The following MID1 variants were observed in gnomAD, a reference collection of about 807,000 sequenced individuals.
MID1 encodes the protein midline 1.
A neutral mutation model predicts 40.4 loss-of-function variants in MID1; 7 were observed. The ratio of observed to expected loss-of-function variants is 0.17; its 90% confidence interval spans 0.10 to 0.33. The LOEUF (loss-of-function observed/expected upper bound fraction) is 0.33, where lower values mean the gene tolerates loss of function less well. MID1 is among the 10% of genes least tolerant of loss of function. MID1 has a pLI of 1.00. For missense variants in MID1, 367 were observed against 558.5 expected (o/e 0.66, Z 3.46); for synonymous variants, 229 against 221.2 (o/e 1.04, Z -0.31).
intron 3 of MID1, chrX:10,506,609 G>T: frequency 2.1e-6 from 1 of 482,960 alleles, no homozygotes; most frequent in Non-Finnish European, 3.7e-6. Context: ...GGCAGAAAAA[G>T]TTCCCAGGCC....
intron 3 of MID1, among the ~76,000 whole-genome samples, chrX:10,522,169 TAA>T (rs1932743746): frequency 9.0e-6 from 1 of 111,683 alleles, no homozygotes; most frequent in Non-Finnish European, 1.9e-5. Context: ...GTAATCAAGT[TAA>T]AGTGAGGTAA....
chrX:10,832,623 C>T (rs1334395828), intron 1 of MID1, among the ~76,000 whole-genome samples: 1 of 111,791 alleles, frequency 8.9e-6, no homozygotes, highest in Non-Finnish European at 1.9e-5. Context: ...AACCACATCA[C>T]CATGAAAAAA....
chrX:10,807,116 G>A (rs1200963428), intron 1 of MID1, among the ~76,000 whole-genome samples: 1 of 110,123 alleles, frequency 9.1e-6, no homozygotes, highest in African/African-American at 3.3e-5. Flanking sequence ...GTGGTGGCAG[G>A]CACCTGTAAT....
intron 1 of MID1, among the ~76,000 whole-genome samples, chrX:10,738,950 A>G (rs1456171776): frequency 2.3e-5 from 2 of 88,662 alleles, no homozygotes; most frequent in Non-Finnish European, 2.1e-5. Context: ...TACTAAAGGC[A>G]AAAAAAAAAA....
At chrX:10,543,845 TA>T (rs1278403101) in intron 2 of MID1, among the ~76,000 whole-genome samples, 3 of 102,157 alleles carry the variant, frequency 2.9e-5, no homozygotes, top group East Asian at 3.1e-4. Flanking sequence ...TCTGTTTTTT[TA>T]AAAAAAAAAA....
At chrX:10,543,007 G>C (rs1277706624) in intron 2 of MID1, among the ~76,000 whole-genome samples, 6 of 111,900 alleles carry the variant, frequency 5.4e-5, no homozygotes, top group Non-Finnish European at 1.1e-4. Context: ...ACGTAACAAG[G>C]GCTACATACA....
chrX:10,778,578 T>C (rs2043823228), intron 1 of MID1, among the ~76,000 whole-genome samples: 1 of 112,269 alleles, frequency 8.9e-6, no homozygotes, highest in Non-Finnish European at 1.9e-5. Context: ...CCTGGATTAT[T>C]CAGGCGGGCC....
chrX:10,632,616 T>C (rs1936064962), intron 1 of MID1, among the ~76,000 whole-genome samples: 1 of 109,087 alleles, frequency 9.2e-6, no homozygotes, highest in African/African-American at 3.3e-5. Flanking sequence ...CACCCCAGAG[T>C]TTCTGATTCA....
intron 1 of MID1, among the ~76,000 whole-genome samples, chrX:10,750,944 C>T (rs914898143): frequency 6.3e-5 from 7 of 111,385 alleles, no homozygotes; most frequent in African/African-American, 2.3e-4. Context: ...GTGCTTGATT[C>T]TGTTGTTGTG....
In MID1 at chrX:10,469,478, TG is replaced by T. The variant is rs761105104; in HGVS notation, c.1285+218del. 1.9e-5 allele frequency: 21 copies of T among 1,117,007 alleles called. No individual in the cohort carries two copies. The Admixed American group carries it at 5.9e-4, about 31-fold the overall frequency. The allele number at this position is 1,117,007 out of a possible 1,213,427, so 92.1% of individuals were successfully genotyped here. A position where few individuals can be genotyped will look rare whatever the true frequency, so the allele number is the denominator to read the frequency against. On this transcript the variant is annotated intron_variant, in intron 7 of 9. Coordinates refer to ENST00000317552, the MANE Select transcript of MID1 (RefSeq NM_000381.4). ...TGGCTTCTTTCCCTTAACATCCATG[TG>T]GTTTGCTAGAGGTCATTAATTTTCA...
intron 1 of MID1, among the ~76,000 whole-genome samples, chrX:10,610,513 A>G (rs1328920919): frequency 3.6e-5 from 4 of 111,548 alleles, no homozygotes; most frequent in Non-Finnish European, 7.5e-5. Flanking sequence ...TTATGGAAAG[A>G]TCTCTAGGGT....
At chrX:10,658,685 A>G (rs1281175146) in intron 1 of MID1, among the ~76,000 whole-genome samples, 1 of 110,126 alleles carries the variant, frequency 9.1e-6, no homozygotes, top group Non-Finnish European at 1.9e-5. Context: ...TGCCCTCAGG[A>G]AATCATTTTA....
chrX:10,588,096 T>C (rs1935180214), intron 1 of MID1, among the ~76,000 whole-genome samples: 1 of 112,350 alleles, frequency 8.9e-6, no homozygotes, highest in Non-Finnish European at 1.9e-5. Context: ...TTAGCTAATA[T>C]GTTTACACAC....
intron 3 of MID1, among the ~76,000 whole-genome samples, chrX:10,512,690 G>A (rs1932217858): frequency 8.9e-6 from 1 of 112,286 alleles, no homozygotes; most frequent in South Asian, 3.7e-4. Context: ...CCAATCCTAT[G>A]GAAATTGACA....
intron 4 of MID1, among the ~76,000 whole-genome samples, chrX:10,494,413 A>G (rs751408138): frequency 9.0e-6 from 1 of 111,719 alleles, no homozygotes; most frequent in African/African-American, 3.2e-5. Context: ...AACAATAATA[A>G]TAGAAATGGA....
At chrX:10,784,681 G>A (rs1383493919) in intron 1 of MID1, among the ~76,000 whole-genome samples, 3 of 109,911 alleles carry the variant, frequency 2.7e-5, no homozygotes, top group African/African-American at 9.9e-5. Flanking sequence ...CCTGACCTCT[G>A]GTAATCCGCC....
At chrX:10,548,574 A>G (rs951287181) in intron 2 of MID1, among the ~76,000 whole-genome samples, 23 of 112,218 alleles carry the variant, frequency 2.0e-4, no homozygotes, top group Admixed American at 1.4e-3. Context: ...TCTGAAAAAC[A>G]TAGATACGAA....
chrX:10,511,874 G>A, intron 3 of MID1, among the ~76,000 whole-genome samples: 1 of 112,375 alleles, frequency 8.9e-6, no homozygotes, highest in East Asian at 2.8e-4. Flanking sequence ...AAGCTTGAAG[G>A]TAATTTTATG....
chrX:10,801,256 T>G (rs928664337), intron 1 of MID1, among the ~76,000 whole-genome samples: 16 of 112,311 alleles, frequency 1.4e-4, no homozygotes, highest in Non-Finnish European at 2.4e-4. Flanking sequence ...GGATTGACCT[T>G]TGTGTTCAAT....
Sources: allele counts gnomAD v4.1 joint callset (sites outside exome capture counted in the v4.1 genomes callset), GRCh38; gene constraint gnomAD v4.1.1; transcripts MANE v1.5; gene names NCBI Gene and HGNC (gene_info 2026-07-23, HGNC 2026-07-21).